Variants in PTPRM observed in about 807,000 individuals in gnomAD.
The protein encoded by PTPRM is receptor-type tyrosine-protein phosphatase mu.
In PTPRM, 47 loss-of-function variants were observed where a neutral mutation model predicts 186.7. The observed-to-expected ratio is 0.25, with a 90% CI of 0.20 to 0.32. PTPRM has a LOEUF of 0.32. Ranked by LOEUF, PTPRM falls within the 10% of genes least tolerant of loss-of-function variation. PTPRM has a pLI of 1.00. For missense variants in PTPRM, 1,494 were observed against 1,865.0 expected (o/e 0.80, Z 3.66); for synonymous variants, 668 against 674.9 (o/e 0.99, Z 0.16).
chr18:8,353,946 T>C (rs2095549481), intron 23 of PTPRM, among the ~76,000 whole-genome samples: 2 of 152,188 alleles, frequency 1.3e-5, no homozygotes, highest in Non-Finnish European at 2.9e-5. Context: ...GCGCAGTGGC[T>C]CACACCTGTA....
At chr18:8,309,399 T>C (rs1198634835) in intron 20 of PTPRM, among the ~76,000 whole-genome samples, 1 of 152,210 alleles carries the variant, frequency 6.6e-6, no homozygotes, top group Non-Finnish European at 1.5e-5. Context: ...TTTCACTTAC[T>C]GATAAAAATA....
At chr18:7,710,356 A>G (rs1239086441) in intron 1 of PTPRM, among the ~76,000 whole-genome samples, 1 of 152,214 alleles carries the variant, frequency 6.6e-6, no homozygotes, top group Non-Finnish European at 1.5e-5. Flanking sequence ...TCCCTTTATG[A>G]TAAAACCCTG....
chr18:7,875,619 C>T (rs1372233441), intron 2 of PTPRM, among the ~76,000 whole-genome samples: 6 of 152,198 alleles, frequency 3.9e-5, no homozygotes, highest in South Asian at 2.1e-4. Context: ...CCTCTGTGCC[C>T]GGCCAACATG....
intron 11 of PTPRM, among the ~76,000 whole-genome samples, chr18:8,111,376 G>T (rs1043123169): frequency 7.9e-5 from 12 of 152,162 alleles, no homozygotes; most frequent in African/African-American, 2.9e-4. Flanking sequence ...ACTTTGGGAG[G>T]CCGAGGCGGG....
At chr18:8,042,046 G>A (rs1333037277) in intron 7 of PTPRM, among the ~76,000 whole-genome samples, 2 of 152,188 alleles carry the variant, frequency 1.3e-5, no homozygotes, top group Non-Finnish European at 2.9e-5. Context: ...TCTTAAACAA[G>A]CAGCTAAAAT....
chr18:7,979,719 G>A (rs1042205347), intron 7 of PTPRM, among the ~76,000 whole-genome samples: 2 of 152,226 alleles, frequency 1.3e-5, no homozygotes, highest in Non-Finnish European at 2.9e-5. Context: ...GGCATTTTGT[G>A]TTGTGCTAAG....
chr18:8,287,121 C>A (rs2094965671), intron 19 of PTPRM, among the ~76,000 whole-genome samples: 1 of 151,496 alleles, frequency 6.6e-6, no homozygotes, highest in African/African-American at 2.4e-5. Context: ...AAAAGAGGGA[C>A]AAGAATAAAA....
At chr18:7,628,436 T>A (rs2038112772) in intron 1 of PTPRM, among the ~76,000 whole-genome samples, 1 of 152,242 alleles carries the variant, frequency 6.6e-6, no homozygotes, top group Non-Finnish European at 1.5e-5. Context: ...ACGATAACTT[T>A]CTGAAAATTG....
intron 7 of PTPRM, among the ~76,000 whole-genome samples, chr18:8,020,337 GGA>G: frequency 6.6e-6 from 1 of 152,214 alleles, no homozygotes; most frequent in East Asian, 1.9e-4. Context: ...GGGTAAAGAA[GGA>G]GAGAGAGTCC....
chr18:7,996,479 C>G (rs1022981241), intron 7 of PTPRM, among the ~76,000 whole-genome samples: 1 of 151,904 alleles, frequency 6.6e-6, no homozygotes, highest in Non-Finnish European at 1.5e-5. Context: ...AAATCTGGAA[C>G]AAGACAAGGA....
At chr18:7,838,018 C>T (rs2046138714) in intron 2 of PTPRM, among the ~76,000 whole-genome samples, 1 of 152,134 alleles carries the variant, frequency 6.6e-6, no homozygotes, top group Non-Finnish European at 1.5e-5. Context: ...CCCAGTAACT[C>T]TGTGGTTCCT....
At chr18:7,869,159 A>AGACT (rs553345047) in intron 2 of PTPRM, among the ~76,000 whole-genome samples, 1 of 152,184 alleles carries the variant, frequency 6.6e-6, no homozygotes, top group Non-Finnish European at 1.5e-5. Context: ...CTGCTGAGCT[A>AGACT]GACTACTTGG....
chr18:8,244,208 A>T lies in PTPRM; in HGVS notation c.2451A>T (p.Arg817Ser). ...TGGACACGCACAATCTGAATGGGAG[A>T]TGTAAGTGCATATGTTTCTTGGCTT... ...SFMDTHNLNG[R>S]SVSSPSSFTM... Residue 817 changes from arginine (R) to serine (S), a missense_variant and splice_region_variant, in exon 15 of 33, where the codon AGA (arginine) becomes AGT (serine). Transcript: ENST00000580170. 1.3e-6 allele frequency: 2 copies of T among 1,551,204 alleles called. No individual in the cohort carries two copies. The highest frequency in any genetic ancestry group is 2.5e-5 in the South Asian group (2 of 79,242).
In PTPRM at chr18:8,406,304, G is replaced by A. The variant is rs2095906147; in HGVS notation, c.*142G>A. ...GCTCTTTTTAAGAGCCCAAGAAAGT[G>A]TTTCTAAAATTGCTTGCACTGCCCA... is the stretch of plus-strand genomic sequence containing the variant. On this transcript the variant is annotated 3_prime_UTR_variant, in exon 33 of 33. Coordinates refer to ENST00000580170, the MANE Select transcript of PTPRM (RefSeq NM_001105244.2). The A allele has an allele frequency of 1.3e-6, 1 of 771,136 alleles. No individual in the cohort carries two copies. The highest frequency in any genetic ancestry group is 1.8e-5 in the South Asian group (1 of 54,734). The allele number at this position is 771,136 out of a possible 1,614,324, so 47.8% of individuals were successfully genotyped here. A position where few individuals can be genotyped will look rare whatever the true frequency, so the allele number is the denominator to read the frequency against.
At chr18:8,125,996 TATATATATATATATATATA>T (rs1258813242) in intron 13 of PTPRM, among the ~76,000 whole-genome samples, 504 of 13,230 alleles carry the variant, frequency 0.038, 38 homozygotes, top group African/African-American at 0.066. Context: ...TATATATATA[TATATATATATATATATATA>T]TATATATATA....
At chr18:8,390,358 C>T (rs904091552) in intron 31 of PTPRM, among the ~76,000 whole-genome samples, 18 of 152,172 alleles carry the variant, frequency 1.2e-4, no homozygotes, top group South Asian at 8.3e-4. Flanking sequence ...TCTTCACGAC[C>T]GCGGGTAGAT....
In PTPRM at chr18:8,093,919, A is replaced by G. The variant is rs989259047; in HGVS notation, c.1856+5068A>G. 5.3e-5 allele frequency among the ~76,000 whole-genome samples: 8 copies of G among 152,308 alleles called. No homozygotes were observed. In the East Asian group the frequency reaches 5.8e-4, roughly 11 times the overall value. On this transcript the variant is annotated intron_variant, in intron 11 of 32. Coordinates refer to ENST00000580170, the MANE Select transcript of PTPRM (RefSeq NM_001105244.2). ...AATGTTCTAGTCACCCTTTAAGTAT[A>G]TGAATCTCTTTCCACTTTATTAAAA...
chr18:8,190,401 G>A (rs376889729), intron 14 of PTPRM, among the ~76,000 whole-genome samples: 7 of 152,272 alleles, frequency 4.6e-5, no homozygotes, highest in East Asian at 1.9e-4. Context: ...TTCACTTAGC[G>A]TGATGTCCTC....
At chr18:8,333,402 G>A (rs778920911) in intron 22 of PTPRM, among the ~76,000 whole-genome samples, 3 of 152,138 alleles carry the variant, frequency 2.0e-5, no homozygotes, top group Non-Finnish European at 4.4e-5. Context: ...GTAAAGCATG[G>A]TGGCATATTT....
Sources: allele counts gnomAD v4.1 joint callset (sites outside exome capture counted in the v4.1 genomes callset), GRCh38; gene constraint gnomAD v4.1.1; transcripts MANE v1.5; gene names NCBI Gene and HGNC (gene_info 2026-07-23, HGNC 2026-07-21).